The following CYTH4 variants were observed in gnomAD, a reference collection of about 807,000 sequenced individuals.
The protein encoded by CYTH4 is cytohesin-4.
A neutral mutation model predicts 57.5 loss-of-function variants in CYTH4; 22 were observed. That is an observed-to-expected ratio of 0.38 (90% CI 0.27 to 0.55). CYTH4 has a LOEUF of 0.55. Among genes scored for constraint, CYTH4 ranks in the 20% least tolerant of loss-of-function variants. The pLI, the probability that CYTH4 is intolerant of heterozygous loss-of-function variation, is 0.74. For synonymous variants in CYTH4, 186 were observed against 206.5 expected, an observed-to-expected ratio of 0.90 and a Z score of 0.85; for missense variants, 420 against 535.6, an observed-to-expected ratio of 0.78 and a Z score of 2.13.
Position 37,298,439 on chromosome 22 carries a change from T to C in CYTH4, c.353+757T>C, listed in dbSNP as rs568953010. ...ATGCTGGGGACCATAGGTTGGGGGC[T>C]GTGATTTAGAATAGCGTGGACAGGA... On this transcript the variant is annotated intron_variant, in intron 5 of 12. Transcript: ENST00000248901. The surrounding 1 kb of genome is among the most constrained non-coding windows in gnomAD (Gnocchi z 4.1). 3 of 158,710 alleles carry C rather than the reference T, an allele frequency of 1.9e-5. No homozygotes were observed. Among genetic ancestry groups the C allele is most frequent in the South Asian group, 1.6e-4 (1 of 6,418 alleles). The allele number at this position is 158,710 out of a possible 1,614,324, so 9.8% of individuals were successfully genotyped here.
At position 37,282,594 on chromosome 22, in the gene CYTH4, C is replaced by A; in HGVS notation, c.19+6C>A. The A allele has an allele frequency of 6.2e-7, 1 of 1,609,948 alleles. No individual in the cohort carries two copies. Among genetic ancestry groups the A allele is most frequent in the Non-Finnish European group, 8.5e-7 (1 of 1,177,998 alleles). ...AATGGACCTGTGCCACCCAGGTAAG[C>A]AACTGCCGTCAACCTCTCTGGGCCT... On this transcript the variant is annotated splice_donor_region_variant and intron_variant, in intron 1 of 12. Coordinates refer to ENST00000248901, the MANE Select transcript of CYTH4 (RefSeq NM_013385.5).
At chr22:37,294,814 C>T in intron 3 of CYTH4, 90 bp downstream of exon 3, 1 of 1,447,986 alleles carries the variant, frequency 6.9e-7, no homozygotes, top group Non-Finnish European at 9.6e-7. Flanking sequence ...CCACTCCCAG[C>T]CCCCTGGACC....
rs1929812403 is a variant in CYTH4, at chr22:37,315,154, G to T, written c.*1643G>T. 1 of 152,362 alleles carries T rather than the reference G, an allele frequency of 6.6e-6. No homozygotes were observed. Among genetic ancestry groups the T allele is most frequent in the South Asian group, 2.1e-4 (1 of 4,828 alleles). 9.4% of individuals were successfully genotyped at this position (152,362 alleles called of 1,614,324 possible). A position where few individuals can be genotyped will look rare whatever the true frequency, so the allele number is the denominator to read the frequency against. On this transcript the variant is annotated 3_prime_UTR_variant, in exon 13 of 13. Transcript: ENST00000248901. ...GCCAGGGGTGGTGGAAGGAGCACTGGGCTAGGGGTCAGGGGTCAGAGATTC... is the reference window on the plus strand; with the variant it reads ...GCCAGGGGTGGTGGAAGGAGCACTGTGCTAGGGGTCAGGGGTCAGAGATTC...
Position 37,311,613 on chromosome 22 carries a change from C to T in CYTH4, c.957+86C>T. 4.3e-6 allele frequency: 6 copies of T among 1,387,672 alleles called. No homozygotes were observed. Among genetic ancestry groups the T allele is most frequent in the Non-Finnish European group, 6.1e-6 (6 of 982,614 alleles). The allele number at this position is 1,387,672 out of a possible 1,614,324, so 86.0% of individuals were successfully genotyped here. A position where few individuals can be genotyped will look rare whatever the true frequency, so the allele number is the denominator to read the frequency against. ...CGTGGGGAGAGGGCCTGAGGCTGGG[C>T]TCTCCAGGAAGCCAGGCTGTGCCCC... On this transcript the variant is annotated intron_variant, in intron 11 of 12. Coordinates refer to ENST00000248901, the MANE Select transcript of CYTH4 (RefSeq NM_013385.5). This position sits in a 1 kb window ranked among gnomAD's most constrained non-coding sequence, Gnocchi z 4.4.
Position 37,314,043 on chromosome 22 carries a change from C to T in CYTH4, c.*532C>T, listed in dbSNP as rs541559420. Reference sequence around the variant, plus strand: ...TCAGCACACACACAGCTCAGACCCACGGACAGGACCCCGGGACAGAACCCC... The same window carrying T: ...TCAGCACACACACAGCTCAGACCCATGGACAGGACCCCGGGACAGAACCCC... On this transcript the variant is annotated 3_prime_UTR_variant, in exon 13 of 13. Transcript: ENST00000248901. 9 of 288,750 alleles carry T rather than the reference C, an allele frequency of 3.1e-5. No homozygotes were observed. The highest frequency in any genetic ancestry group is 1.9e-3 in the Middle Eastern group (2 of 1,058). The allele number at this position is 288,750 out of a possible 1,614,324, so 17.9% of individuals were successfully genotyped here. A position where few individuals can be genotyped will look rare whatever the true frequency, so the allele number is the denominator to read the frequency against.
chr22:37,295,656 G>C lies in CYTH4; in HGVS notation c.168-343G>C, dbSNP rs116115823. ...GCCCAAAGCAGCCCGGCTCAGATTCGCATCCAGGAGCCTGGCTCCAGCACC... is the reference window on the plus strand; with the variant it reads ...GCCCAAAGCAGCCCGGCTCAGATTCCCATCCAGGAGCCTGGCTCCAGCACC... On this transcript the variant is annotated intron_variant, in intron 3 of 12. Transcript: ENST00000248901. The surrounding 1 kb of genome is among the most constrained non-coding windows in gnomAD (Gnocchi z 4.1). 1.3e-5 allele frequency among the ~76,000 whole-genome samples: 2 copies of C among 152,154 alleles called. No homozygotes were observed. The highest frequency in any genetic ancestry group is 4.8e-5 in the African/African-American group (2 of 41,426).
chr22:37,288,031 G>C (rs5756593), intron 1 of CYTH4, among the ~76,000 whole-genome samples: 89,161 of 152,000 alleles, frequency 0.59, 26,418 homozygotes, highest in South Asian at 0.78. Flanking sequence ...GTAATCCCAG[G>C]ACTTTGGGAG....
intron 3 of CYTH4, among the ~76,000 whole-genome samples, 184 bp downstream of exon 3, chr22:37,294,908 C>T (rs1015658775): frequency 2.6e-5 from 4 of 152,166 alleles, no homozygotes; most frequent in Non-Finnish European, 5.9e-5. Flanking sequence ...CGGGTCTGGT[C>T]CCTGCTCCCA....
At chr22:37,313,332 A>C (rs190073608) in intron 12 of CYTH4, 107 bp from the exon 13 acceptor site, 3 of 1,128,094 alleles carry the variant, frequency 2.7e-6, no homozygotes, top group Middle Eastern at 4.0e-4. Context: ...GCGGCAGAGC[A>C]GGCTGACACC....
chr22:37,303,443 C>G lies in CYTH4; in HGVS notation c.696+41C>G. On this transcript the variant is annotated intron_variant, in intron 8 of 12. Coordinates refer to ENST00000248901, the MANE Select transcript of CYTH4 (RefSeq NM_013385.5). The stretch of plus-strand genomic sequence containing the variant: ...CCCACCCAGCCTGGCCCCGGGGAAT[C>G]CAGGAGGGACCTGTCCTTAGATGGA... 2 of 1,593,290 alleles carry G rather than the reference C, an allele frequency of 1.3e-6. 1 individual carries two copies. The highest frequency in any genetic ancestry group is 2.3e-5 in the South Asian group (2 of 88,780).
chr22:37,306,256 T>C (rs1601708675), intron 8 of CYTH4, among the ~76,000 whole-genome samples: 1 of 152,178 alleles, frequency 6.6e-6, no homozygotes, highest in Non-Finnish European at 1.5e-5. Flanking sequence ...GGTGTTACAG[T>C]TGGAGAAACT....
At chr22:37,310,130 C>T in intron 9 of CYTH4, 1 of 396,248 alleles carries the variant, frequency 2.5e-6, no homozygotes, top group Non-Finnish European at 5.4e-6. Context: ...AGCCCCGTGC[C>T]AGTCCTGCCC....
chr22:37,301,746 G>A (rs1251328644), intron 7 of CYTH4: 1 of 142,538 alleles, frequency 7.0e-6, no homozygotes, highest in East Asian at 2.1e-4. Flanking sequence ...CACCCAGGCT[G>A]GAGTGCAATG....
At chr22:37,303,193 G>T (rs1383940652) in intron 7 of CYTH4, 61 bp from the exon 8 acceptor site, 1 of 1,602,652 alleles carries the variant, frequency 6.2e-7, no homozygotes, top group African/African-American at 1.4e-5. Flanking sequence ...CCTGGAAGGG[G>T]CCGGGACAGA....
chr22:37,306,959 T>C (rs1177020195), intron 8 of CYTH4, among the ~76,000 whole-genome samples: 1 of 152,216 alleles, frequency 6.6e-6, no homozygotes, highest in African/African-American at 2.4e-5. Context: ...CACCCCCTCC[T>C]GGAGCCTGGG....
rs184404334 is a variant in CYTH4, at chr22:37,301,576, T to C, written c.547+557T>C. ...AGAGGACAGGGTGGGCGAGGGACCA[T>C]CCTGGCCTCTTCTCTGGATCTAGTT... On this transcript the variant is annotated intron_variant, in intron 7 of 12. Coordinates refer to ENST00000248901, the MANE Select transcript of CYTH4 (RefSeq NM_013385.5). Among the ~76,000 whole-genome samples, 3 of 151,096 alleles carry C rather than the reference T, an allele frequency of 2.0e-5. No individual in the cohort carries two copies. In the East Asian group the frequency reaches 5.9e-4, roughly 29 times the overall value.
At chr22:37,291,665 G>A (rs1436986595) in intron 1 of CYTH4, among the ~76,000 whole-genome samples, 2 of 152,154 alleles carry the variant, frequency 1.3e-5, no homozygotes, top group Non-Finnish European at 1.5e-5. Flanking sequence ...AGGCTGGAGA[G>A]GTTGTGGAGG....
chr22:37,292,721 T>G lies in CYTH4; in HGVS notation c.102+18T>G. Reference sequence around the variant, plus strand: ...ACATCCAGGTGAGTGCACACTCGTGTCCACACACGTGTCCATGCCCACACT... The same window carrying G: ...ACATCCAGGTGAGTGCACACTCGTGGCCACACACGTGTCCATGCCCACACT... On this transcript the variant is annotated intron_variant, in intron 2 of 12. Coordinates refer to ENST00000248901, the MANE Select transcript of CYTH4 (RefSeq NM_013385.5). 3 of 1,612,010 alleles carry G rather than the reference T, an allele frequency of 1.9e-6. No homozygotes were observed. In the East Asian group the frequency reaches 6.7e-5, roughly 36 times the overall value.
chr22:37,290,773 G>T (rs1928722363), intron 1 of CYTH4, among the ~76,000 whole-genome samples: 1 of 152,236 alleles, frequency 6.6e-6, no homozygotes, highest in South Asian at 2.1e-4. Flanking sequence ...CTCCCAAAGT[G>T]CTGGGATTAG....
Sources: allele counts gnomAD v4.1 joint callset (sites outside exome capture counted in the v4.1 genomes callset), GRCh38; gene constraint gnomAD v4.1.1; non-coding constraint Gnocchi (gnomAD v3.1); transcripts MANE v1.5; gene names NCBI Gene and HGNC (gene_info 2026-07-23, HGNC 2026-07-21).